Variants in MORN1 observed in about 807,000 individuals in gnomAD.
MORN1 encodes MORN repeat-containing protein 1.
A neutral mutation model predicts 61.9 loss-of-function variants in MORN1; 67 were observed. The observed-to-expected ratio is 1.08, with a 90% CI of 0.89 to 1.33. The LOEUF (loss-of-function observed/expected upper bound fraction) is 1.33, where lower values mean the gene tolerates loss of function less well. Ranked by LOEUF, MORN1 falls within the 40% of genes most tolerant of loss-of-function variation. The pLI is 0.00. For missense variants in MORN1, 752 were observed against 691.2 expected (o/e 1.09, Z -0.99); for synonymous variants, 301 against 292.0 (o/e 1.03, Z -0.31).
At chr1:2,355,834 T>C (rs1481781273) in intron 10 of MORN1, among the ~76,000 whole-genome samples, 2 of 152,082 alleles carry the variant, frequency 1.3e-5, no homozygotes, top group Non-Finnish European at 2.9e-5. Flanking sequence ...TGAGCTGAGC[T>C]CACAAGGCAG....
At chr1:2,391,328 C>G in intron 1 of MORN1, 130 bp downstream of exon 1, 2 of 1,107,730 alleles carry the variant, frequency 1.8e-6, no homozygotes, top group Non-Finnish European at 2.3e-6. Context: ...GGGGGCGGCC[C>G]TGGCTCCGCC....
intron 8 of MORN1, among the ~76,000 whole-genome samples, chr1:2,363,827 A>ATATAT (rs59002493): frequency 3.3e-3 from 258 of 78,392 alleles, no homozygotes; most frequent in East Asian, 8.7e-3. Context: ...TATATATATA[A>ATATAT]AAAAAATCAG....
intron 7 of MORN1, 120 bp downstream of exon 7, chr1:2,374,341 A>C (rs532119801): frequency 1.3e-6 from 1 of 774,238 alleles, no homozygotes; most frequent in African/African-American, 1.7e-5. Context: ...TTTATATTCC[A>C]CTTTGCCCCA....
intron 8 of MORN1, among the ~76,000 whole-genome samples, chr1:2,370,821 C>T (rs552088222): frequency 2.0e-5 from 3 of 151,728 alleles, no homozygotes; most frequent in Non-Finnish European, 2.9e-5. Flanking sequence ...TGGGACCACA[C>T]GCATGCACTA....
chr1:2,365,002 C>T (rs1641969414), intron 8 of MORN1, among the ~76,000 whole-genome samples: 1 of 152,166 alleles, frequency 6.6e-6, no homozygotes, highest in Admixed American at 6.5e-5. Flanking sequence ...CATGATACCT[C>T]CAGCTTTGTT....
chr1:2,378,840 C>A (rs1642305818), intron 6 of MORN1: 1 of 435,850 alleles, frequency 2.3e-6, no homozygotes, highest in Non-Finnish European at 4.6e-6. Context: ...ATGGCTGAGG[C>A]GTCACAGGCT....
At chr1:2,344,426 G>A (rs1231274126) in intron 10 of MORN1, among the ~76,000 whole-genome samples, 2 of 152,226 alleles carry the variant, frequency 1.3e-5, no homozygotes, top group African/African-American at 2.4e-5. Flanking sequence ...TGGCAGGAAG[G>A]CCCAGCGACC....
chr1:2,373,542 C>A (rs1039521233), intron 7 of MORN1, among the ~76,000 whole-genome samples: 1 of 152,174 alleles, frequency 6.6e-6, no homozygotes, highest in African/African-American at 2.4e-5. Context: ...GGTGAGGTCA[C>A]CAAGACACTC....
chr1:2,354,005 C>T (rs1183454115), intron 10 of MORN1, among the ~76,000 whole-genome samples: 2 of 152,236 alleles, frequency 1.3e-5, no homozygotes, highest in East Asian at 3.8e-4. Context: ...ACTAAAGAGG[C>T]CGGGCATGGT....
At chr1:2,325,424 G>T (rs1018650093) in intron 12 of MORN1, among the ~76,000 whole-genome samples, 4 of 150,254 alleles carry the variant, frequency 2.7e-5, no homozygotes, top group African/African-American at 9.8e-5. Context: ...CAATCCCCTC[G>T]CCTTAGCCTT....
chr1:2,384,877 T>G, intron 6 of MORN1, 101 bp downstream of exon 6: 3 of 1,017,616 alleles, frequency 2.9e-6, no homozygotes, highest in Non-Finnish European at 4.2e-6. Flanking sequence ...GCCTGGCACA[T>G]GGAGAAGCTG....
chr1:2,360,133 A>G (rs1641861570), intron 8 of MORN1, among the ~76,000 whole-genome samples: 1 of 152,202 alleles, frequency 6.6e-6, no homozygotes, highest in African/African-American at 2.4e-5. Context: ...GGCACTAGGC[A>G]CAGGTCCAGG....
chr1:2,331,767 C>G (rs1641152430), intron 12 of MORN1, among the ~76,000 whole-genome samples: 1 of 152,158 alleles, frequency 6.6e-6, no homozygotes, highest in Non-Finnish European at 1.5e-5. Context: ...CCCGCATGCG[C>G]CGTCCTTCTT....
chr1:2,358,345 C>G (rs371883791), intron 9 of MORN1, among the ~76,000 whole-genome samples: 20 of 152,094 alleles, frequency 1.3e-4, no homozygotes, highest in Admixed American at 1.3e-3. Context: ...GCTTGGGGGC[C>G]GAGCGCTGGG....
chr1:2,339,780 C>G (rs745539217), intron 10 of MORN1, among the ~76,000 whole-genome samples: 1 of 152,170 alleles, frequency 6.6e-6, no homozygotes, highest in Non-Finnish European at 1.5e-5. Context: ...GCCGAGGGCC[C>G]GGAGCTCAGC....
At position 2,372,424 on chromosome 1, in the gene MORN1, C is replaced by G. The variant is rs368310737; in HGVS notation, c.745+57G>C. 1.7e-5 allele frequency: 23 copies of G among 1,370,286 alleles called. No homozygotes were observed. The African/African-American group carries it at 1.7e-4, about 10-fold the overall frequency. 84.9% of individuals were successfully genotyped at this position (1,370,286 alleles called of 1,614,324 possible). A position where few individuals can be genotyped will look rare whatever the true frequency, so the allele number is the denominator to read the frequency against. ...CGTCCGCATCTTCACTGCTTAAGAA[C>G]CTGCTGCCTGTTTCTCTTTTGGAAA... On this transcript the variant is annotated intron_variant, in intron 8 of 13. Transcript: ENST00000378531. The surrounding 1 kb of genome is among the most constrained non-coding windows in gnomAD (Gnocchi z 5.4).
rs143135167 is a variant in MORN1, at chr1:2,336,300, G to A, written c.1250+169C>T. Among the ~76,000 whole-genome samples the A allele has an allele frequency of 1.3e-3, 196 of 152,352 alleles. 2 individuals carry two copies. In the Middle Eastern group the frequency reaches 0.017, roughly 13 times the overall value. ...GTCGCAGGGCAGCTGTTAGCCCCGC[G>A]AGACCCTGGCTGGCGGGGGGGCTCT... On this transcript the variant is annotated intron_variant, in intron 12 of 13. Transcript: ENST00000378531.
intron 10 of MORN1, among the ~76,000 whole-genome samples, chr1:2,349,054 C>T (rs1271897248): frequency 1.3e-5 from 2 of 152,212 alleles, no homozygotes; most frequent in Non-Finnish European, 2.9e-5. Flanking sequence ...GCCTCCATCA[C>T]CCCCTCAGGC....
chr1:2,325,320 T>A (rs1484413149), intron 12 of MORN1, among the ~76,000 whole-genome samples: 2 of 149,792 alleles, frequency 1.3e-5, no homozygotes, highest in Admixed American at 6.7e-5. Context: ...CTCTCCTTTC[T>A]TTCTCTAGAT....
Sources: gnomAD v4.1 joint callset for allele counts (sites outside exome capture counted in the v4.1 genomes callset) on GRCh38, gnomAD v4.1.1 for gene constraint, Gnocchi (gnomAD v3.1) non-coding constraint, MANE v1.5 for transcripts, NCBI Gene and HGNC (gene_info 2026-07-23, HGNC 2026-07-21) for gene names.